Variants in SEMA6D observed in about 807,000 individuals in gnomAD.
SEMA6D encodes the protein semaphorin-6D.
SEMA6D carries 35 observed loss-of-function variants against 106.6 expected under a neutral mutation model. The ratio of observed to expected loss-of-function variants is 0.33; its 90% CI spans 0.25 to 0.44. The LOEUF is 0.44. Ranked by LOEUF, SEMA6D falls within the 20% of genes least tolerant of loss-of-function variation. The probability of loss-of-function intolerance (pLI) is 1.00; values close to 1 mark genes in which losing one functional copy is unlikely to be tolerated. For missense variants in SEMA6D, 1,185 were observed against 1,345.9 expected (o/e 0.88, Z 1.87); for synonymous variants, 499 against 487.7 (o/e 1.02, Z -0.31).
chr15:47,453,379 AT>A (rs2042249723), intron 2 of SEMA6D, among the ~76,000 whole-genome samples: 1 of 152,022 alleles, frequency 6.6e-6, no homozygotes, highest in Non-Finnish European at 1.5e-5. Context: ...TAAATCAACA[AT>A]GCTAAACCTC....
At chr15:47,389,929 G>A (rs2039969931) in intron 1 of SEMA6D, among the ~76,000 whole-genome samples, 1 of 152,160 alleles carries the variant, frequency 6.6e-6, no homozygotes, top group Non-Finnish European at 1.5e-5. Context: ...AGCAGCCAGA[G>A]TGAGCTTCAA....
chr15:47,383,957 A>G (rs2039729569), intron 1 of SEMA6D, among the ~76,000 whole-genome samples: 1 of 152,208 alleles, frequency 6.6e-6, no homozygotes, highest in African/African-American at 2.4e-5. Flanking sequence ...GCACATATAT[A>G]CAGATTCACA....
At chr15:47,526,112 A>C (rs2044746786) in intron 3 of SEMA6D, among the ~76,000 whole-genome samples, 1 of 152,128 alleles carries the variant, frequency 6.6e-6, no homozygotes, top group Admixed American at 6.6e-5. Flanking sequence ...GTCTAACTTC[A>C]ATATGTGTAT....
chr15:47,763,037 T>C lies in SEMA6D; in HGVS notation c.680T>C (p.Ile227Thr). 6.2e-7 allele frequency: 1 copy of C among 1,611,842 alleles called. No individual in the cohort carries two copies. Among genetic ancestry groups the C allele is most frequent in the Non-Finnish European group, 8.5e-7 (1 of 1,178,988 alleles). ...WIKEPHFLHA[I>T]EYGNYVYFFF... Reference sequence around the variant, plus strand: ...TCAGAGCCACACTTTCTTCATGCCATAGAATATGGAAACTATGTCTATTTC... The same window carrying C: ...TCAGAGCCACACTTTCTTCATGCCACAGAATATGGAAACTATGTCTATTTC... Residue 227 changes from isoleucine to threonine, a missense_variant, in exon 9 of 19, where the codon ATA becomes ACA. By Grantham distance (89) the Ile-to-Thr change is moderately conservative. Transcript: ENST00000536845.
At chr15:47,646,385 A>G (rs544844809) in intron 4 of SEMA6D, among the ~76,000 whole-genome samples, 1 of 152,342 alleles carries the variant, frequency 6.6e-6, no homozygotes, top group Admixed American at 6.5e-5. Context: ...CATAGTGCCT[A>G]CCTAGACATG....
At chr15:47,638,205 T>C (rs2077425853) in intron 4 of SEMA6D, among the ~76,000 whole-genome samples, 1 of 152,152 alleles carries the variant, frequency 6.6e-6, no homozygotes, top group African/African-American at 2.4e-5. Flanking sequence ...AATGGCCGTA[T>C]GATGTGTGAT....
intron 1 of SEMA6D, among the ~76,000 whole-genome samples, chr15:47,391,449 A>G (rs281294): frequency 0.28 from 42,973 of 151,944 alleles, 8,926 homozygotes; most frequent in African/African-American, 0.57. Flanking sequence ...CCATCAGACA[A>G]TGGTTCCTAT....
intron 2 of SEMA6D, among the ~76,000 whole-genome samples, chr15:47,421,690 T>C (rs2033578926): frequency 6.6e-6 from 1 of 151,968 alleles, no homozygotes; most frequent in Non-Finnish European, 1.5e-5. Context: ...TAGGAGACTC[T>C]CTTTTAGATA....
intron 4 of SEMA6D, among the ~76,000 whole-genome samples, chr15:47,648,289 A>G (rs1389267171): frequency 6.6e-6 from 1 of 152,132 alleles, no homozygotes. Flanking sequence ...ATTTCCTCTC[A>G]CATCCTAAAG....
chr15:47,465,365 A>C (rs966438931), intron 2 of SEMA6D, among the ~76,000 whole-genome samples: 2 of 152,206 alleles, frequency 1.3e-5, no homozygotes, highest in Non-Finnish European at 2.9e-5. Flanking sequence ...GTGGGCAAAT[A>C]GTTGTCCGCA....
At chr15:47,502,282 G>T (rs887105787) in intron 3 of SEMA6D, among the ~76,000 whole-genome samples, 1 of 152,110 alleles carries the variant, frequency 6.6e-6, no homozygotes, top group Non-Finnish European at 1.5e-5. Context: ...TCTCTACAAG[G>T]GTTTGATTAA....
intron 1 of SEMA6D, among the ~76,000 whole-genome samples, chr15:47,334,934 G>A (rs1002777957): frequency 6.6e-6 from 1 of 152,220 alleles, no homozygotes; most frequent in East Asian, 1.9e-4. Context: ...ATTGCTATCT[G>A]TAATAGGTAA....
chr15:47,186,303 C>T lies in SEMA6D; in HGVS notation c.-239+1885C>T, dbSNP rs558725086. 1.4e-3 allele frequency among the ~76,000 whole-genome samples: 211 copies of T among 152,154 alleles called. 1 individual carries two copies. Among genetic ancestry groups the T allele is most frequent in the Non-Finnish European group, 2.5e-3 (171 of 68,000 alleles). Reference sequence around the variant, plus strand: ...GGCAGTCTGATTCCACAGGGAAAAACCATGTAGTGGGAGTGTTGTTGAGGG... The same window carrying T: ...GGCAGTCTGATTCCACAGGGAAAAATCATGTAGTGGGAGTGTTGTTGAGGG... On this transcript the variant is annotated intron_variant, in intron 1 of 19. Coordinates refer to the SEMA6D transcript ENST00000558014.
chr15:47,226,242 T>C (rs879816785), intron 1 of SEMA6D, among the ~76,000 whole-genome samples: 2 of 152,066 alleles, frequency 1.3e-5, no homozygotes, highest in Non-Finnish European at 2.9e-5. Context: ...AGATTTTCCC[T>C]TCACAGACCT....
At chr15:47,245,974 C>T (rs1388192629) in intron 1 of SEMA6D, among the ~76,000 whole-genome samples, 1 of 152,138 alleles carries the variant, frequency 6.6e-6, no homozygotes, top group Non-Finnish European at 1.5e-5. Flanking sequence ...TCATAAGACT[C>T]TGAAGCTTCT....
At chr15:47,485,432 CA>C (rs921044928) in intron 3 of SEMA6D, among the ~76,000 whole-genome samples, 1 of 149,418 alleles carries the variant, frequency 6.7e-6, no homozygotes. Context: ...CACCCCCATT[CA>C]AAAAAAAATG....
At chr15:47,453,996 A>G (rs1212571328) in intron 2 of SEMA6D, among the ~76,000 whole-genome samples, 1 of 151,894 alleles carries the variant, frequency 6.6e-6, no homozygotes, top group African/African-American at 2.4e-5. Flanking sequence ...TCATGAGACT[A>G]AAAAATGATC....
chr15:47,638,669 CT>C (rs1347985680), intron 4 of SEMA6D, among the ~76,000 whole-genome samples: 1 of 152,196 alleles, frequency 6.6e-6, no homozygotes, highest in Non-Finnish European at 1.5e-5. Context: ...ATATTAAAAT[CT>C]GCTAAATACA....
At chr15:47,339,697 A>C (rs2144419619) in intron 1 of SEMA6D, among the ~76,000 whole-genome samples, 1 of 152,216 alleles carries the variant, frequency 6.6e-6, no homozygotes, top group South Asian at 2.1e-4. Context: ...CGTCTTCATT[A>C]AAAATACAAA....
Sources: gnomAD v4.1 joint callset for allele counts (sites outside exome capture counted in the v4.1 genomes callset) on GRCh38, gnomAD v4.1.1 for gene constraint, MANE v1.5 for transcripts, NCBI Gene and HGNC (gene_info 2026-07-23, HGNC 2026-07-21) for gene names.